The following COL14A1 variants were observed in gnomAD, a reference collection of about 807,000 sequenced individuals.
COL14A1 encodes collagen alpha-1(XIV) chain.
In COL14A1, 136 loss-of-function variants were observed where a neutral mutation model predicts 230.3. That is an observed-to-expected ratio of 0.59 (90% confidence interval 0.51 to 0.68). The LOEUF is 0.68. Ranked by LOEUF, COL14A1 falls within the 30% of genes least tolerant of loss-of-function variation. The pLI, the probability that COL14A1 is intolerant of heterozygous loss-of-function variation, is 0.00. For missense variants in COL14A1, 1,976 were observed against 2,215.8 expected, an observed-to-expected ratio of 0.89 and a Z score of 2.17; for synonymous variants, 792 against 784.1, an observed-to-expected ratio of 1.01 and a Z score of -0.17.
intron 45 of COL14A1, among the ~76,000 whole-genome samples, chr8:120,364,583 T>C (rs754919869): frequency 1.3e-5 from 2 of 152,050 alleles, no homozygotes; most frequent in Non-Finnish European, 2.9e-5. Context: ...ATATAATAAC[T>C]TGAAGAATAA....
rs1394132828 is a variant in COL14A1 at position 120,313,929 on chromosome 8, C to T, written c.4456-3C>T. ...AGGATGATACTTCTCTCTTGCCTTC[C>T]AGGGACCAGATGGCCCTCGGGGTGA... On this transcript the variant is annotated splice_polypyrimidine_tract_variant and splice_region_variant and intron_variant, in intron 37 of 47. Coordinates refer to ENST00000297848, the MANE Select transcript of COL14A1 (RefSeq NM_021110.4). The T allele has an allele frequency of 2.5e-6, 4 of 1,606,510 alleles. No homozygotes were observed. The highest frequency in any genetic ancestry group is 3.4e-6 in the Non-Finnish European group (4 of 1,175,318).
chr8:120,175,943 A>G (rs1256645893), intron 5 of COL14A1, among the ~76,000 whole-genome samples: 2 of 152,152 alleles, frequency 1.3e-5, no homozygotes, highest in African/African-American at 2.4e-5. Context: ...TCTACCTCTT[A>G]TACTCCCATA....
intron 32 of COL14A1, among the ~76,000 whole-genome samples, 195 bp from the exon 33 acceptor site, chr8:120,285,666 T>A (rs1820170917): frequency 6.6e-6 from 1 of 152,056 alleles, no homozygotes; most frequent in South Asian, 2.1e-4. Context: ...CATCACCAAG[T>A]GGCTTAATCA....
At chr8:120,148,387 T>A (rs1004746152) in intron 2 of COL14A1, among the ~76,000 whole-genome samples, 3 of 152,188 alleles carry the variant, frequency 2.0e-5, no homozygotes, top group Admixed American at 6.5e-5. Flanking sequence ...CACCTCGGCC[T>A]CCCGAAGTGC....
At chr8:120,150,348 A>C (rs942153270) in intron 2 of COL14A1, among the ~76,000 whole-genome samples, 22 of 152,158 alleles carry the variant, frequency 1.4e-4, no homozygotes, top group Non-Finnish European at 5.9e-5. Context: ...AATATACTAA[A>C]TTGTCCATGA....
At chr8:120,275,950 T>A (rs1819825992) in intron 26 of COL14A1, among the ~76,000 whole-genome samples, 1 of 151,900 alleles carries the variant, frequency 6.6e-6, no homozygotes, top group Non-Finnish European at 1.5e-5. Context: ...AAAGTAGATT[T>A]ACCTTTGGTT....
chr8:120,276,784 T>C (rs939949066), intron 26 of COL14A1, among the ~76,000 whole-genome samples: 1 of 151,544 alleles, frequency 6.6e-6, no homozygotes, highest in Non-Finnish European at 1.5e-5. Context: ...TGTATACATA[T>C]GTAACAAACC....
chr8:120,201,878 A>G (rs924922824), intron 8 of COL14A1, among the ~76,000 whole-genome samples: 1 of 152,058 alleles, frequency 6.6e-6, no homozygotes, highest in South Asian at 2.1e-4. Flanking sequence ...CAGTTGCAAC[A>G]GTCAAACTAT....
At chr8:120,213,362 C>G (rs1817665189) in intron 13 of COL14A1, among the ~76,000 whole-genome samples, 1 of 152,176 alleles carries the variant, frequency 6.6e-6, no homozygotes, top group Non-Finnish European at 1.5e-5. Flanking sequence ...TTGCTCACCA[C>G]TCTTCTCCTA....
chr8:120,277,658 C>T (rs372815364), intron 26 of COL14A1: 1 of 152,026 alleles, frequency 6.6e-6, no homozygotes, highest in East Asian at 1.9e-4. Context: ...AACACAGAAA[C>T]ATGAAACCAA....
At chr8:120,286,027 A>T (rs1408671726) in intron 33 of COL14A1, 57 bp downstream of exon 33, 2 of 1,022,958 alleles carry the variant, frequency 2.0e-6, no homozygotes, top group East Asian at 2.4e-5. Context: ...GAACAAAGCC[A>T]TTTAAAAACA....
intron 31 of COL14A1, among the ~76,000 whole-genome samples, chr8:120,282,385 A>G (rs1011114936): frequency 6.6e-6 from 1 of 152,146 alleles, no homozygotes; most frequent in Non-Finnish European, 1.5e-5. Flanking sequence ...CTCCAAAATA[A>G]TGCTTTACCA....
intron 5 of COL14A1, among the ~76,000 whole-genome samples, chr8:120,183,019 G>A (rs546764912): frequency 1.3e-5 from 2 of 152,130 alleles, no homozygotes; most frequent in South Asian, 2.1e-4. Flanking sequence ...AAGCCACCAC[G>A]CCCGGCCTAA....
intron 26 of COL14A1, among the ~76,000 whole-genome samples, chr8:120,274,345 A>G (rs1461375306): frequency 6.6e-6 from 1 of 151,892 alleles, no homozygotes; most frequent in East Asian, 1.9e-4. Context: ...TAAATGCTAT[A>G]TATAGCAACC....
intron 5 of COL14A1, among the ~76,000 whole-genome samples, chr8:120,175,721 A>G (rs1816261571): frequency 6.6e-6 from 1 of 152,226 alleles, no homozygotes; most frequent in African/African-American, 2.4e-5. Context: ...TGCAAAGACT[A>G]AAATATTTTC....
chr8:120,288,137 A>G (rs978429757), intron 33 of COL14A1, among the ~76,000 whole-genome samples: 3 of 152,086 alleles, frequency 2.0e-5, no homozygotes, highest in Non-Finnish European at 2.9e-5. Flanking sequence ...TCTGTAATCT[A>G]TAATATTGGA....
chr8:120,250,863 G>A (rs371630520), intron 22 of COL14A1, 97 bp downstream of exon 22: 20 of 1,405,690 alleles, frequency 1.4e-5, no homozygotes, highest in African/African-American at 2.8e-5. Context: ...GCTGGAGTGC[G>A]CTGGTGCGAT....
At chr8:120,219,677 A>C (rs896657784) in intron 14 of COL14A1, among the ~76,000 whole-genome samples, 1 of 152,178 alleles carries the variant, frequency 6.6e-6, no homozygotes, top group Non-Finnish European at 1.5e-5. Flanking sequence ...TCAGGGGGAC[A>C]CAACCTTCCA....
intron 4 of COL14A1, among the ~76,000 whole-genome samples, chr8:120,165,269 G>C (rs1815826765): frequency 1.3e-5 from 2 of 152,230 alleles, no homozygotes; most frequent in Admixed American, 6.5e-5. Context: ...TTGGATCCAG[G>C]AAAGTGGTGA....
Sources: allele counts gnomAD v4.1 joint callset (sites outside exome capture counted in the v4.1 genomes callset), GRCh38; gene constraint gnomAD v4.1.1; transcripts MANE v1.5; gene names NCBI Gene and HGNC (gene_info 2026-07-23, HGNC 2026-07-21).